Variants in BPI observed in about 807,000 individuals in gnomAD.
The protein encoded by BPI is bactericidal permeability increasing protein.
Under a neutral mutation model 57.6 loss-of-function variants are expected in BPI, and 48 were observed. That is an observed-to-expected ratio of 0.83 (90% confidence interval 0.66 to 1.06). BPI has a LOEUF of 1.06. Ranked by LOEUF, BPI falls within the 50% of genes least tolerant of loss-of-function variation. The probability of loss-of-function intolerance (pLI) is 0.00; values close to 1 mark genes in which losing one functional copy is unlikely to be tolerated. For missense variants in BPI, 651 were observed against 609.7 expected (o/e 1.07, Z -0.71); for synonymous variants, 237 against 238.2 (o/e 0.99, Z 0.05).
chr20:38,329,290 C>A (rs573473422), intron 11 of BPI, among the ~76,000 whole-genome samples: 1 of 152,154 alleles, frequency 6.6e-6, no homozygotes, highest in African/African-American at 2.4e-5. Context: ...CTGGCACCCG[C>A]CTCTTCAGCA....
At position 38,323,866 on chromosome 20, in the gene BPI, C is replaced by T. The variant is rs761113087; in HGVS notation, c.757-4C>T. On this transcript the variant is annotated splice_polypyrimidine_tract_variant and splice_region_variant and intron_variant, in intron 7 of 14. Transcript: ENST00000642449. ...TGGGCTCACTCTGTTGCCTCTACCCCCAGGGGGAGTTTTACAGTGAGAACC... is the reference window on the plus strand; with the variant it reads ...TGGGCTCACTCTGTTGCCTCTACCCTCAGGGGGAGTTTTACAGTGAGAACC... 12 of 1,613,670 alleles carry T rather than the reference C, an allele frequency of 7.4e-6. No homozygotes were observed. Among genetic ancestry groups the T allele is most frequent in the Non-Finnish European group, 1.0e-5 (12 of 1,179,780 alleles).
chr20:38,331,380 T>A (rs1317757166), intron 12 of BPI, among the ~76,000 whole-genome samples: 2 of 152,184 alleles, frequency 1.3e-5, no homozygotes, highest in African/African-American at 4.8e-5. Context: ...ACATGCACAA[T>A]CTGGTAGAGA....
intron 1 of BPI, 21 bp from the exon 2 acceptor site, chr20:38,307,546 A>T: frequency 1.3e-6 from 2 of 1,569,236 alleles, no homozygotes; most frequent in Non-Finnish European, 1.7e-6. Context: ...TCTCACTGTC[A>T]CCCCTGCCTT....
At chr20:38,313,918 A>G (rs1198329632) in intron 5 of BPI, among the ~76,000 whole-genome samples, 1 of 151,010 alleles carries the variant, frequency 6.6e-6, no homozygotes, top group East Asian at 2.0e-4. Context: ...GAGGATGATA[A>G]TGATGATGGC....
At chr20:38,336,889 C>T (rs376312820) in intron 14 of BPI, among the ~76,000 whole-genome samples, 296 of 152,252 alleles carry the variant, frequency 1.9e-3, no homozygotes, top group African/African-American at 6.9e-3. Flanking sequence ...CAAATGAAGG[C>T]CTCTAAAACA....
chr20:38,305,874 G>A (rs1415684344), intron 1 of BPI, among the ~76,000 whole-genome samples: 1 of 152,028 alleles, frequency 6.6e-6, no homozygotes, highest in African/African-American at 2.4e-5. Context: ...TTCCTAACTG[G>A]CTCCGAGAAA....
At chr20:38,330,318 A>C (rs538093118) in intron 11 of BPI, among the ~76,000 whole-genome samples, 21 of 152,202 alleles carry the variant, frequency 1.4e-4, no homozygotes, top group African/African-American at 5.1e-4. Flanking sequence ...TTGATCTCTG[A>C]GTATGTTTCC....
intron 7 of BPI, among the ~76,000 whole-genome samples, chr20:38,321,293 G>A (rs548444677): frequency 6.9e-4 from 104 of 151,130 alleles, no homozygotes; most frequent in African/African-American, 2.5e-3. Context: ...GTGGGTGGAT[G>A]GATGGATGGA....
chr20:38,305,845 A>T (rs2076594156), intron 1 of BPI, among the ~76,000 whole-genome samples: 1 of 152,114 alleles, frequency 6.6e-6, no homozygotes. Context: ...AGCTCGATAC[A>T]TTTCATTGAT....
chr20:38,318,118 C>CA, intron 5 of BPI: 1 of 833,666 alleles, frequency 1.2e-6, no homozygotes, highest in Non-Finnish European at 1.4e-6. Context: ...ACAACAACAG[C>CA]AACAAAAAAA....
intron 1 of BPI, among the ~76,000 whole-genome samples, chr20:38,307,100 G>A (rs145969502): frequency 6.6e-6 from 1 of 152,282 alleles, no homozygotes; most frequent in East Asian, 1.9e-4. Context: ...TAGGGAGGCT[G>A]AGGTGGGAGA....
intron 7 of BPI, among the ~76,000 whole-genome samples, chr20:38,321,254 G>A (rs2076684070): frequency 6.8e-6 from 1 of 147,064 alleles, no homozygotes; most frequent in South Asian, 2.2e-4. Context: ...GATGGGTGGG[G>A]GTAGATGGAT....
intron 5 of BPI, among the ~76,000 whole-genome samples, chr20:38,314,850 AGATGATGAT>A (rs112026634): frequency 7.3e-6 from 1 of 136,884 alleles, no homozygotes; most frequent in African/African-American, 2.8e-5. Context: ...GTAATGGTGG[AGATGATGAT>A]GATGATGATG....
intron 5 of BPI, among the ~76,000 whole-genome samples, chr20:38,316,211 C>T (rs965046276): frequency 2.0e-5 from 3 of 148,776 alleles, no homozygotes; most frequent in Admixed American, 6.6e-5. Flanking sequence ...TTCTCTTCCC[C>T]TCTTCCCTCC....
intron 12 of BPI, among the ~76,000 whole-genome samples, chr20:38,332,845 C>T (rs1201439853): frequency 6.6e-6 from 1 of 152,082 alleles, no homozygotes; most frequent in African/African-American, 2.4e-5. Flanking sequence ...AAGTAGTCGC[C>T]CATGCTGTTC....
chr20:38,310,198 G>T (rs540908066), intron 3 of BPI, among the ~76,000 whole-genome samples: 40 of 152,324 alleles, frequency 2.6e-4, no homozygotes, highest in Non-Finnish European at 5.6e-4. Context: ...GGGAGGAAAT[G>T]GAAGCTCAGA....
At chr20:38,323,018 G>A (rs539739075) in intron 7 of BPI, among the ~76,000 whole-genome samples, 1 of 152,240 alleles carries the variant, frequency 6.6e-6, no homozygotes, top group East Asian at 1.9e-4. Context: ...ACACTTCCAA[G>A]TACCCAACAC....
chr20:38,311,419 G>A (rs1781263735), intron 4 of BPI, among the ~76,000 whole-genome samples: 2 of 152,232 alleles, frequency 1.3e-5, no homozygotes, highest in Admixed American at 1.3e-4. Flanking sequence ...AGAACCAGAG[G>A]CTCTGACCGC....
chr20:38,316,198 T>G (rs1568812125), intron 5 of BPI, among the ~76,000 whole-genome samples: 1 of 152,030 alleles, frequency 6.6e-6, no homozygotes, highest in Non-Finnish European at 1.5e-5. Flanking sequence ...CTTCCTTCCT[T>G]CTTTCTCTTC....
Sources: gnomAD v4.1 joint callset for allele counts (sites outside exome capture counted in the v4.1 genomes callset) on GRCh38, gnomAD v4.1.1 for gene constraint, MANE v1.5 for transcripts, NCBI Gene and HGNC (gene_info 2026-07-23, HGNC 2026-07-21) for gene names.